The following SLC3A2 variants were observed in gnomAD, a reference collection of about 807,000 sequenced individuals.
SLC3A2 encodes amino acid transporter heavy chain SLC3A2.
SLC3A2 carries 32 observed loss-of-function variants against 48.5 expected under a neutral mutation model. The observed-to-expected ratio is 0.66, with a 90% confidence interval of 0.50 to 0.89. The LOEUF is 0.89. Ranked by LOEUF, SLC3A2 falls within the 40% of genes least tolerant of loss-of-function variation. SLC3A2 has a pLI of 0.00. For synonymous variants in SLC3A2, 277 were observed against 288.8 expected (o/e 0.96, Z 0.41); for missense variants, 587 against 680.7 (o/e 0.86, Z 1.53).
At chr11:62,856,413 G>T (rs541367680) in intron 1 of SLC3A2, 2 of 1,569,912 alleles carry the variant, frequency 1.3e-6, no homozygotes, top group African/African-American at 1.4e-5. Context: ...TCGGGAGGAG[G>T]TCCCCTTTGG....
chr11:62,879,114 C>A (rs2085602377), upstream of SLC3A2, among the ~76,000 whole-genome samples: 1 of 151,842 alleles, frequency 6.6e-6, no homozygotes, highest in Admixed American at 6.6e-5. Flanking sequence ...ATCACCCAGA[C>A]TGGAGTGCAG....
At chr11:62,878,172 C>A (rs1341663413), upstream of SLC3A2, among the ~76,000 whole-genome samples, 4 of 149,476 alleles carry the variant, frequency 2.7e-5, no homozygotes, top group African/African-American at 2.5e-5. Flanking sequence ...AAAAAAAAAA[C>A]AAAAAACAAA....
At chr11:62,885,679 G>A (rs2085704360) in intron 7 of SLC3A2, 71 bp downstream of exon 7, 3 of 1,553,604 alleles carry the variant, frequency 1.9e-6, no homozygotes, top group South Asian at 1.1e-5. Flanking sequence ...TGGGGATGGC[G>A]GCACATAGAC....
Position 62,884,695 on chromosome 11 carries a change from G to A in SLC3A2, c.818+5G>A. 1 of 1,590,518 alleles carries A rather than the reference G, an allele frequency of 6.3e-7. No homozygotes were observed. Among genetic ancestry groups the A allele is most frequent in the Non-Finnish European group, 8.6e-7 (1 of 1,165,900 alleles). The stretch of plus-strand genomic sequence containing the variant: ...CAAGGGCTTCAGTGAAGACAGGTGG[G>A]TGCAGGAGCCATTCTGCTGACTCAG... On this transcript the variant is annotated splice_donor_5th_base_variant and intron_variant, in intron 5 of 8. Coordinates refer to ENST00000338663, the MANE Select transcript of SLC3A2 (RefSeq NM_001013251.3).
chr11:62,872,185 A>G (rs2085525003), intron 1 of SLC3A2, among the ~76,000 whole-genome samples: 1 of 152,186 alleles, frequency 6.6e-6, no homozygotes, highest in Non-Finnish European at 1.5e-5. Flanking sequence ...AAGTGCTGGG[A>G]TTACAGGCGT....
intron 1 of SLC3A2, among the ~76,000 whole-genome samples, chr11:62,874,391 G>T (rs1207843190): frequency 6.6e-6 from 1 of 152,002 alleles, no homozygotes; most frequent in East Asian, 1.9e-4. Context: ...TTTAGTATTT[G>T]GTTTCATTTG....
At chr11:62,884,813 CTTTTTTTTTTTTTTTTTTTTTTT>C (rs541507991) in intron 5 of SLC3A2, 123 bp downstream of exon 5, 14 of 52,030 alleles carry the variant, frequency 2.7e-4, no homozygotes, top group South Asian at 5.3e-4. Context: ...CTTTCTTTAG[CTTTTTTTTTTTTTTTTTTTTTTT>C]TTTTTTTTTT....
intron 1 of SLC3A2, among the ~76,000 whole-genome samples, chr11:62,862,333 C>CA (rs71065311): frequency 0.84 from 47,267 of 55,960 alleles, 20,962 homozygotes; most frequent in Middle Eastern, 0.94. Flanking sequence ...GACTCTGTCT[C>CA]AAAAAAAAAA....
upstream of SLC3A2, among the ~76,000 whole-genome samples, chr11:62,879,934 T>A (rs2085611314): frequency 6.6e-6 from 1 of 152,110 alleles, no homozygotes; most frequent in African/African-American, 2.4e-5. Flanking sequence ...AGGCCTAACA[T>A]AGTGAAGTGA....
At chr11:62,883,909 G>A (rs2085673799) in intron 3 of SLC3A2, 1 of 452,130 alleles carries the variant, frequency 2.2e-6, no homozygotes. Flanking sequence ...AATCTAAACT[G>A]CCCTGGGGCT....
upstream of SLC3A2, among the ~76,000 whole-genome samples, chr11:62,878,021 C>T (rs1472814498): frequency 3.9e-5 from 6 of 151,926 alleles, no homozygotes; most frequent in Non-Finnish European, 7.4e-5. Context: ...CCGGGTGTGG[C>T]GGTGCACGCC....
At chr11:62,883,664 A>G (rs568906020) in intron 3 of SLC3A2, 138 of 221,970 alleles carry the variant, frequency 6.2e-4, no homozygotes, top group African/African-American at 2.9e-3. Flanking sequence ...TTTGGGTAGG[A>G]CCCCGGGATC....
chr11:62,876,866 T>TA, upstream of SLC3A2: 1 of 1,050,670 alleles, frequency 9.5e-7, no homozygotes, highest in Non-Finnish European at 1.2e-6. Context: ...CCTCCGGAAG[T>TA]GCTGGGATTA....
At chr11:62,878,632 ATTTTTTTTTT>A (rs1048433687), upstream of SLC3A2, among the ~76,000 whole-genome samples, 5 of 113,008 alleles carry the variant, frequency 4.4e-5, no homozygotes, top group African/African-American at 1.7e-4. Context: ...CGCCTGGCTG[ATTTTTTTTTT>A]TTTTTTTTGC....
intron 1 of SLC3A2, among the ~76,000 whole-genome samples, chr11:62,865,249 T>G (rs2085440669): frequency 6.6e-6 from 1 of 151,884 alleles, no homozygotes; most frequent in African/African-American, 2.4e-5. Context: ...AGTAATTGAG[T>G]TTTGGATGTG....
chr11:62,874,772 CTTTTTTT>C (rs1013312543), intron 1 of SLC3A2, among the ~76,000 whole-genome samples: 1 of 142,900 alleles, frequency 7.0e-6, no homozygotes, highest in Non-Finnish European at 1.5e-5. Flanking sequence ...TTTTCTTTTT[CTTTTTTT>C]TTTTTTTGGA....
chr11:62,865,707 T>C (rs543614484), intron 1 of SLC3A2, among the ~76,000 whole-genome samples: 2 of 152,254 alleles, frequency 1.3e-5, no homozygotes, highest in African/African-American at 2.4e-5. Flanking sequence ...AGCATCCTTT[T>C]TGGCTATCCG....
At chr11:62,882,209 C>A in intron 2 of SLC3A2, 143 bp downstream of exon 2, 1 of 945,094 alleles carries the variant, frequency 1.1e-6, no homozygotes, top group Non-Finnish European at 1.6e-6. Context: ...AGTCTTCAGC[C>A]TAAAATGGAT....
At position 62,882,363 on chromosome 11, in the gene SLC3A2, G is replaced by C. The variant is rs201042920; in HGVS notation, c.598+297G>C. On this transcript the variant is annotated intron_variant, in intron 2 of 8. Coordinates refer to ENST00000338663, the MANE Select transcript of SLC3A2 (RefSeq NM_001013251.3). The stretch of plus-strand genomic sequence containing the variant: ...AACTTGTAAAACAGTAGGTTTTTTT[G>C]GGGGGGGGGAATCCCAAATATTGTT... The C allele has an allele frequency of 3.0e-5, 3 of 99,834 alleles. No homozygotes were observed. In the South Asian group the frequency reaches 9.7e-4, roughly 32 times the overall value. 6.2% of individuals were successfully genotyped at this position (99,834 alleles called of 1,614,324 possible). A position where few individuals can be genotyped will look rare whatever the true frequency, so the allele number is the denominator to read the frequency against.
Sources: allele counts gnomAD v4.1 joint callset (sites outside exome capture counted in the v4.1 genomes callset), GRCh38; gene constraint gnomAD v4.1.1; transcripts MANE v1.5; gene names NCBI Gene and HGNC (gene_info 2026-07-23, HGNC 2026-07-21).